Variants in BTN2A1 observed in about 807,000 individuals in gnomAD.
BTN2A1 encodes the protein butyrophilin, subfamily 2, member A1.
A neutral mutation model predicts 34.5 loss-of-function variants in BTN2A1; 41 were observed. The ratio of observed to expected loss-of-function variants is 1.19; its 90% CI spans 0.93 to 1.54. BTN2A1 has a LOEUF of 1.54. BTN2A1 is among the 40% of genes most tolerant of loss of function. BTN2A1 has a pLI of 0.00. For missense variants in BTN2A1, 642 were observed against 662.0 expected (o/e 0.97, Z 0.33); for synonymous variants, 267 against 258.6 (o/e 1.03, Z -0.31).
At chr6:26,462,892 C>A (rs988090260) in intron 3 of BTN2A1, 37 of 1,273,086 alleles carry the variant, frequency 2.9e-5, no homozygotes, top group Non-Finnish European at 3.8e-5. Context: ...ACACACCCAT[C>A]TCAAAGTGAG....
rs1231649339 is a variant in BTN2A1, at chr6:26,463,379, T to C, written c.566T>C (p.Leu189Pro). ...RDPYGGVAPA[L>P]KEVSMPDADG... ...CCCTACGGTGGGGTTGCGCCTGCCC[T>C]GAAAGAGGTCTCCATGCCTGATGCA... Residue 189 changes from leucine to proline, a missense_variant, in exon 4 of 8, where the codon CTG (leucine) becomes CCG (proline). Physicochemically the swap from Leu to Pro is moderately conservative, Grantham distance 98. Coordinates refer to ENST00000312541, the MANE Select transcript of BTN2A1 (RefSeq NM_007049.5). 6.2e-7 allele frequency: 1 copy of C among 1,614,088 alleles called. No homozygotes were observed. Among genetic ancestry groups the C allele is most frequent in the African/African-American group, 1.3e-5 (1 of 75,010 alleles).
At chr6:26,459,960 C>CTCCCTGT in intron 3 of BTN2A1, 132 bp downstream of exon 3, 1 of 118,534 alleles carries the variant, frequency 8.4e-6, no homozygotes, top group Non-Finnish European at 1.5e-5. Context: ...CCTGTGGAAA[C>CTCCCTGT]GGAATTCCAG....
chr6:26,467,422 G>A (rs555693439), intron 7 of BTN2A1, among the ~76,000 whole-genome samples: 15 of 152,142 alleles, frequency 9.9e-5, no homozygotes, highest in Non-Finnish European at 1.9e-4. Flanking sequence ...AGCAATTCTC[G>A]TGCCTCAGCC....
chr6:26,459,680 A>T lies in BTN2A1; in HGVS notation c.282A>T (p.Gly94=). The T allele has an allele frequency of 6.2e-7, 1 of 1,614,164 alleles. No homozygotes were observed. The highest frequency in any genetic ancestry group is 1.1e-5 in the South Asian group (1 of 91,084). The change falls in exon 3 of 8, where the codon GGA becomes GGT. Residue 94 remains glycine, a synonymous_variant. Transcript: ENST00000312541. ...RTEEQMEEYR[G]RTTFVSKDIS... is the part of the protein sequence containing the mutation. ...AGGAGCAGATGGAGGAGTACCGAGGAAGAACCACCTTTGTGAGCAAAGACA... is the reference window on the plus strand; with the variant it reads ...AGGAGCAGATGGAGGAGTACCGAGGTAGAACCACCTTTGTGAGCAAAGACA...
At chr6:26,466,843 T>C (rs1763328915) in intron 7 of BTN2A1, among the ~76,000 whole-genome samples, 1 of 152,138 alleles carries the variant, frequency 6.6e-6, no homozygotes, top group Non-Finnish European at 1.5e-5. Flanking sequence ...ATGGAGGAAA[T>C]CATTTTAACA....
rs1348134279 is a variant in BTN2A1, at chr6:26,468,427, T to C, written c.1462T>C (p.Phe488Leu). ...CTTTTCCGTGCCTGTGAGGCCCTTC[T>C]TCAGGTTGGGGTGTGAGGACAGCCC... ...SAFSVPVRPF[F>L]RLGCEDSPIF... Residue 488 changes from phenylalanine (F) to leucine (L), a missense_variant, in exon 8 of 8, where the codon TTC becomes CTC. Transcript: ENST00000312541. The C allele has an allele frequency of 1.2e-6, 2 of 1,614,060 alleles. No homozygotes were observed. The highest frequency in any genetic ancestry group is 8.5e-7 in the Non-Finnish European group (1 of 1,180,006).
chr6:26,467,045 T>C (rs114830388), intron 7 of BTN2A1, among the ~76,000 whole-genome samples: 1,733 of 152,280 alleles, frequency 0.011, 31 homozygotes, highest in African/African-American at 0.04. Context: ...GCAACAGGTT[T>C]TCTTTTGGGG....
exon 8 of BTN2A1, chr6:26,476,507 TATAAAAAGA>T (rs1763540321): frequency 2.7e-6 from 1 of 377,100 alleles, no homozygotes; most frequent in Non-Finnish European, 5.1e-6. Flanking sequence ...AAATATAAAG[TATAAAAAGA>T]AGCTGGAGCC....
At chr6:26,458,784 A>C (rs1763080577) in intron 2 of BTN2A1, 66 bp downstream of exon 2, 1 of 1,571,646 alleles carries the variant, frequency 6.4e-7, no homozygotes, top group Non-Finnish European at 8.8e-7. Flanking sequence ...TAGTCTGCAA[A>C]GGGAAAGAAA....
chr6:26,461,260 C>G (rs991488335), intron 3 of BTN2A1, among the ~76,000 whole-genome samples: 1 of 152,198 alleles, frequency 6.6e-6, no homozygotes, highest in Non-Finnish European at 1.5e-5. Flanking sequence ...CTGGCCTTTC[C>G]CACTCTGAAT....
intron 3 of BTN2A1, among the ~76,000 whole-genome samples, chr6:26,460,986 A>G (rs2064250184): frequency 6.6e-6 from 1 of 152,204 alleles, no homozygotes. Flanking sequence ...CTGTGGTGGC[A>G]TTTCACTCCA....
At chr6:26,463,595 C>T (rs754672073) in intron 4 of BTN2A1, 70 bp downstream of exon 4, 116 of 1,534,210 alleles carry the variant, frequency 7.6e-5, no homozygotes, top group Non-Finnish European at 9.8e-5. Context: ...GAGCCCAGAA[C>T]GGGGATGGGG....
rs775230303 is a variant in BTN2A1, at chr6:26,465,270, CTA to C, written c.800_801del (p.Tyr267LeufsTer19). The C allele has an allele frequency of 2.5e-6, 4 of 1,614,068 alleles. No homozygotes were observed. In the East Asian group the frequency reaches 8.9e-5, roughly 36 times the overall value. ...ILMIPIAVCI[Y>X]WINKLQKEKK... ...TGATGATACCCATTGCCGTATGCAT[CTA>C]TTGGATCAACAAACTCCAAAAGGAA... On this transcript the variant is annotated frameshift_variant, in exon 5 of 8. Coordinates refer to ENST00000312541, the MANE Select transcript of BTN2A1 (RefSeq NM_007049.5). LOFTEE classifies it high-confidence loss of function.
At chr6:26,467,802 G>T in intron 7 of BTN2A1, 146 bp from the exon 8 acceptor site, 1 of 1,564,658 alleles carries the variant, frequency 6.4e-7, no homozygotes. Flanking sequence ...CAGTGTGTGA[G>T]CTGCCTAGGA....
Position 26,463,525 on chromosome 6 carries a change from G to A in BTN2A1, c.712G>A (p.Glu238Lys). 6.2e-7 allele frequency: 1 copy of A among 1,612,926 alleles called. No homozygotes were observed. The highest frequency in any genetic ancestry group is 1.7e-4 in the Middle Eastern group (1 of 6,056). The change falls in exon 4 of 8, where the codon GAA (glutamate) becomes AAA (lysine). Residue 238 changes from glutamate (E) to lysine (K), a missense_variant and splice_region_variant. By Grantham distance (56) the Glu-to-Lys change is moderately conservative (BLOSUM62 1). Transcript: ENST00000312541. Reference protein sequence around the residue: ...QKKESVIFIPESFMPSVSPCA... With the variant: ...QKKESVIFIPKSFMPSVSPCA... ...GAAAGAAAGTGTCATTTTTATTCCAGGTTAGTTCTCTGCCCTCTGAGACTC... is the reference window on the plus strand; with the variant it reads ...GAAAGAAAGTGTCATTTTTATTCCAAGTTAGTTCTCTGCCCTCTGAGACTC...
rs762721200 is a variant in BTN2A1 at position 26,465,209 on chromosome 6, C to T, written c.737C>T (p.Pro246Leu). The stretch of plus-strand genomic sequence containing the variant: ...GAATCCTTTATGCCCAGTGTGTCTC[C>T]CTGTGCAGTGGCCCTGCCTATCATT... ...IPESFMPSVS[P>L]CAVALPIIVV... Residue 246 changes from proline to leucine, a missense_variant, in exon 5 of 8, where the codon CCC becomes CTC. By Grantham distance (98) the Pro-to-Leu change is moderately conservative (BLOSUM62 -3). Transcript: ENST00000312541. 10 of 1,614,012 alleles carry T rather than the reference C, an allele frequency of 6.2e-6. No individual in the cohort carries two copies. Among genetic ancestry groups the T allele is most frequent in the African/African-American group, 1.3e-5 (1 of 75,026 alleles).
At chr6:26,467,796 G>A in intron 7 of BTN2A1, 152 bp from the exon 8 acceptor site, 1 of 1,565,772 alleles carries the variant, frequency 6.4e-7, no homozygotes, top group South Asian at 1.2e-5. Flanking sequence ...AATTCTCAGT[G>A]TGTGAGCTGC....
intron 3 of BTN2A1, among the ~76,000 whole-genome samples, chr6:26,461,067 A>C (rs1160701984): frequency 6.6e-6 from 1 of 152,238 alleles, no homozygotes; most frequent in Non-Finnish European, 1.5e-5. Flanking sequence ...CATAACAGGT[A>C]GGAGACCCCA....
intron 7 of BTN2A1, 69 bp from the exon 8 acceptor site, chr6:26,467,879 G>C: frequency 1.3e-6 from 2 of 1,571,254 alleles, no homozygotes; most frequent in Non-Finnish European, 8.6e-7. Flanking sequence ...GACCTCTCTG[G>C]GGATCAGGAA....
Sources: allele counts gnomAD v4.1 joint callset (sites outside exome capture counted in the v4.1 genomes callset), GRCh38; gene constraint gnomAD v4.1.1; transcripts MANE v1.5; gene names NCBI Gene and HGNC (gene_info 2026-07-23, HGNC 2026-07-21).